NEMF: variants seen among roughly 807,000 people sequenced by gnomAD.
NEMF encodes nuclear export mediator factor.
In NEMF, 89 loss-of-function variants were observed where a neutral mutation model predicts 162.2. The ratio of observed to expected loss-of-function variants is 0.55; its 90% CI spans 0.46 to 0.65. The LOEUF is 0.65. Ranked by LOEUF, NEMF falls within the 30% of genes least tolerant of loss-of-function variation. The pLI is 0.00. For missense variants in NEMF, 1,133 were observed against 1,261.9 expected, an observed-to-expected ratio of 0.90 and a Z score of 1.55; for synonymous variants, 421 against 404.5, an observed-to-expected ratio of 1.04 and a Z score of -0.49.
Position 49,828,417 on chromosome 14 carries a change from T to C in NEMF, c.1425-63A>G. 3.5e-6 allele frequency: 4 copies of C among 1,130,604 alleles called. 1 individual carries two copies. In the South Asian group the frequency reaches 5.7e-5, roughly 16 times the overall value. The allele number at this position is 1,130,604 out of a possible 1,614,324, so 70.0% of individuals were successfully genotyped here. A position where few individuals can be genotyped will look rare whatever the true frequency, so the allele number is the denominator to read the frequency against. On this transcript the variant is annotated intron_variant, in intron 14 of 32. Coordinates refer to ENST00000298310, the MANE Select transcript of NEMF (RefSeq NM_004713.6). ...ATTTATTCTTCAGTTTTCTACTTAG[T>C]TCTAACTTGACAAATTCTCAAATTA...
intron 18 of NEMF, among the ~76,000 whole-genome samples, chr14:49,809,864 AAAAG>A (rs1891389119): frequency 6.6e-6 from 1 of 152,106 alleles, no homozygotes; most frequent in Non-Finnish European, 1.5e-5. Flanking sequence ...CTGTCTCAAA[AAAAG>A]AGAGTGAACT....
chr14:49,803,378 G>A, intron 19 of NEMF, 84 bp from the exon 20 acceptor site: 1 of 929,228 alleles, frequency 1.1e-6, no homozygotes, highest in Non-Finnish European at 1.6e-6. Context: ...AGTAAAGTCA[G>A]AGTCAAGTAA....
chr14:49,811,812 T>G (rs1302596902), intron 18 of NEMF, among the ~76,000 whole-genome samples: 3 of 152,220 alleles, frequency 2.0e-5, no homozygotes. Context: ...TATATAGTCA[T>G]TTTAATATGC....
Position 49,828,625 on chromosome 14 carries a change from T to C in NEMF, c.1415A>G (p.Asn472Ser), listed in dbSNP as rs778066469. Residue 472 changes from asparagine to serine, a missense_variant, in exon 14 of 33, where the codon AAT (asparagine) becomes AGT (serine). This residue lies in a region of NEMF where 582 missense variants were observed against 631.5 expected (regional missense o/e 0.92). Transcript: ENST00000298310. Reference protein sequence around the residue: ...DVDLSLSAYANAKKYYDHKRY... With the variant: ...DVDLSLSAYASAKKYYDHKRY... Reference sequence around the variant, plus strand: ...AAGTTAAATGACTTACTTTTTGGCATTGGCATATGCTGACAAGCTGAGATC... The same window carrying C: ...AAGTTAAATGACTTACTTTTTGGCACTGGCATATGCTGACAAGCTGAGATC... 5.8e-6 allele frequency: 9 copies of C among 1,553,560 alleles called. No individual in the cohort carries two copies. The highest frequency in any genetic ancestry group is 2.8e-5 in the African/African-American group (2 of 71,692).
chr14:49,824,740 T>C (rs1004037147), intron 16 of NEMF, among the ~76,000 whole-genome samples: 1 of 151,962 alleles, frequency 6.6e-6, no homozygotes, highest in Non-Finnish European at 1.5e-5. Flanking sequence ...ACTCAAACTA[T>C]AAGAGTAAAA....
rs1209068487 is a variant in NEMF at position 49,783,445 on chromosome 14, C to G, written c.*1191G>C. 1.3e-5 allele frequency: 2 copies of G among 151,956 alleles called. No homozygotes were observed. The highest frequency in any genetic ancestry group is 2.9e-5 in the Non-Finnish European group (2 of 68,056). 9.4% of individuals were successfully genotyped at this position (151,956 alleles called of 1,614,324 possible). A position where few individuals can be genotyped will look rare whatever the true frequency, so the allele number is the denominator to read the frequency against. On this transcript the variant is annotated 3_prime_UTR_variant, in exon 33 of 33. Transcript: ENST00000298310. ...AAGTGTGGAGGGACCAACAACTGTT[C>G]AGTACTTTGACCTTAATGCTTCAGT...
At chr14:49,811,728 G>T (rs1891488134) in intron 18 of NEMF, among the ~76,000 whole-genome samples, 1 of 152,038 alleles carries the variant, frequency 6.6e-6, no homozygotes, top group African/African-American at 2.4e-5. Flanking sequence ...TCCTTTATTA[G>T]TAGATTATAT....
chr14:49,850,692 A>G lies in NEMF; in HGVS notation c.231+871T>C, dbSNP rs187804016. On this transcript the variant is annotated intron_variant, in intron 3 of 32. Transcript: ENST00000298310. ...GAAAAATAAAAAGACTTAGTAACAT[A>G]TTAATGTCAGTGAGTATTCCAAAAA... Among the ~76,000 whole-genome samples the G allele has an allele frequency of 1.4e-4, 21 of 152,140 alleles. 1 individual carries two copies. In the East Asian group the frequency reaches 4.1e-3, roughly 29 times the overall value.
chr14:49,823,307 A>G (rs1201042192), intron 16 of NEMF, among the ~76,000 whole-genome samples: 1 of 152,014 alleles, frequency 6.6e-6, no homozygotes, highest in Admixed American at 6.6e-5. Context: ...CTTGCCAAAA[A>G]AGAATACTAA....
chr14:49,789,621 T>G (rs780096737), intron 26 of NEMF, 48 bp from the exon 27 acceptor site: 3 of 1,585,554 alleles, frequency 1.9e-6, no homozygotes, highest in Non-Finnish European at 2.6e-6. Flanking sequence ...AGCAAAAAAA[T>G]GTCAACAAAT....
intron 26 of NEMF, among the ~76,000 whole-genome samples, chr14:49,793,154 C>T (rs1472394138): frequency 2.0e-5 from 3 of 151,976 alleles, no homozygotes; most frequent in Admixed American, 6.6e-5. Flanking sequence ...AAGATATACA[C>T]GATTACTACT....
intron 16 of NEMF, among the ~76,000 whole-genome samples, chr14:49,816,273 T>C (rs1348230487): frequency 6.6e-6 from 1 of 152,230 alleles, no homozygotes; most frequent in Non-Finnish European, 1.5e-5. Flanking sequence ...CCTGTCTTAC[T>C]TTAATCTCTT....
intron 3 of NEMF, among the ~76,000 whole-genome samples, chr14:49,846,696 C>A (rs1594811029): frequency 6.6e-6 from 1 of 152,342 alleles, no homozygotes; most frequent in East Asian, 1.9e-4. Context: ...AACTCCTGGG[C>A]ACAAGCAATC....
At chr14:49,811,686 C>T (rs1891485438) in intron 18 of NEMF, among the ~76,000 whole-genome samples, 1 of 152,110 alleles carries the variant, frequency 6.6e-6, no homozygotes, top group Non-Finnish European at 1.5e-5. Context: ...GGTTTTTCTT[C>T]ATAAGTTGAG....
rs574916554 is a variant in NEMF, at chr14:49,802,117, G to A, written c.2095+336C>T. ...GGACTATAGGCGCTCACAACGCCTG[G>A]GTGATTTTTTTGGTAGAGATGGTTT... On this transcript the variant is annotated intron_variant, in intron 22 of 32. Transcript: ENST00000298310. Among the ~76,000 whole-genome samples, 15 of 151,672 alleles carry A rather than the reference G, an allele frequency of 9.9e-5. No individual in the cohort carries two copies. In the East Asian group the frequency reaches 1.2e-3, roughly 12 times the overall value.
At chr14:49,848,833 CAAAAAAAAAAAAA>C (rs36090515) in intron 3 of NEMF, among the ~76,000 whole-genome samples, 1 of 40,780 alleles carries the variant, frequency 2.5e-5, no homozygotes, top group Non-Finnish European at 4.7e-5. Flanking sequence ...GACTCCGTCT[CAAAAAAAAAAAAA>C]AAAAAAAAGA....
chr14:49,796,733 C>G (rs1890709644), intron 25 of NEMF, among the ~76,000 whole-genome samples: 1 of 152,200 alleles, frequency 6.6e-6, no homozygotes, highest in African/African-American at 2.4e-5. Context: ...AGTCCAAAAT[C>G]CTTAGCTTTT....
intron 19 of NEMF, among the ~76,000 whole-genome samples, chr14:49,803,922 T>C (rs1355016378): frequency 2.0e-5 from 3 of 152,252 alleles, no homozygotes; most frequent in Non-Finnish European, 4.4e-5. Context: ...AATGAGCTTA[T>C]CATAAAGCTA....
chr14:49,792,717 T>C (rs1396783804), intron 26 of NEMF, among the ~76,000 whole-genome samples: 3 of 152,214 alleles, frequency 2.0e-5, no homozygotes, highest in African/African-American at 7.2e-5. Flanking sequence ...TGGTGGCTTA[T>C]GCCTGTTAAT....
Sources: gnomAD v4.1 joint callset for allele counts (sites outside exome capture counted in the v4.1 genomes callset) on GRCh38, gnomAD v4.1.1 for gene constraint, gnomAD v4.1.1 regional missense constraint, MANE v1.5 for transcripts, NCBI Gene and HGNC (gene_info 2026-07-23, HGNC 2026-07-21) for gene names.